SPAG16: variants seen among roughly 807,000 people sequenced by gnomAD.
The protein encoded by SPAG16 is sperm associated antigen 16.
A neutral mutation model predicts 80.4 loss-of-function variants in SPAG16; 86 were observed. The ratio of observed to expected loss-of-function variants is 1.07; its 90% confidence interval spans 0.90 to 1.28. The LOEUF (loss-of-function observed/expected upper bound fraction) is 1.28. Ranked by LOEUF, SPAG16 falls within the 50% of genes most tolerant of loss-of-function variation. The probability of loss-of-function intolerance (pLI) is 0.00; values close to 1 mark genes in which losing one functional copy is unlikely to be tolerated. For synonymous variants in SPAG16, 294 were observed against 265.9 expected, an observed-to-expected ratio of 1.11 and a Z score of -1.03; for missense variants, 870 against 765.3, an observed-to-expected ratio of 1.14 and a Z score of -1.61.
At chr2:213,937,555 T>C (rs2079039094) in intron 12 of SPAG16, among the ~76,000 whole-genome samples, 1 of 152,024 alleles carries the variant, frequency 6.6e-6, no homozygotes, top group African/African-American at 2.4e-5. Context: ...CCCCTTGACA[T>C]ATGGGCTTGA....
chr2:213,556,889 A>G (rs920611375), intron 10 of SPAG16, among the ~76,000 whole-genome samples: 2 of 152,160 alleles, frequency 1.3e-5, no homozygotes, highest in South Asian at 4.1e-4. Flanking sequence ...AAAATGATCA[A>G]GTATCTTTTT....
Position 213,375,075 on chromosome 2 carries a change from A to C in SPAG16, c.898A>C (p.Arg300=), listed in dbSNP as rs764468870. 4.3e-5 allele frequency: 70 copies of C among 1,610,280 alleles called. No homozygotes were observed. In the Middle Eastern group the frequency reaches 6.6e-4, roughly 15 times the overall value. Residue 300 remains arginine, a synonymous_variant, in exon 9 of 16, where the codon AGG becomes CGG. Coordinates refer to ENST00000331683, the MANE Select transcript of SPAG16 (RefSeq NM_024532.5). ...GPTQKGLREA[R]EQNKCKTKMK... is the part of the protein sequence containing the mutation. The stretch of plus-strand genomic sequence containing the variant: ...TACTCAGAAAGGTCTTCGTGAAGCC[A>C]GGGAACAAAACAAATGTAAAACAAA...
intron 10 of SPAG16, among the ~76,000 whole-genome samples, chr2:213,760,937 A>G (rs530970198): frequency 1.3e-5 from 2 of 152,306 alleles, no homozygotes; most frequent in South Asian, 4.1e-4. Flanking sequence ...TACTTCAATA[A>G]TGACAGTAGT....
chr2:213,972,238 G>A (rs1169488144), intron 12 of SPAG16, among the ~76,000 whole-genome samples: 1 of 150,514 alleles, frequency 6.6e-6, no homozygotes, highest in African/African-American at 2.4e-5. Flanking sequence ...ATTCATCAGA[G>A]AAAAAGAACC....
intron 15 of SPAG16, among the ~76,000 whole-genome samples, chr2:214,339,737 G>GTCT (rs911703026): frequency 5.9e-5 from 9 of 152,226 alleles, no homozygotes; most frequent in African/African-American, 2.2e-4. Flanking sequence ...ATACCACCTT[G>GTCT]TCTTTTTAAA....
At chr2:213,463,402 GAC>G (rs1337537678) in intron 9 of SPAG16, among the ~76,000 whole-genome samples, 1 of 152,250 alleles carries the variant, frequency 6.6e-6, no homozygotes, top group African/African-American at 2.4e-5. Context: ...GCATGTCAGA[GAC>G]AGTCTTGGCA....
intron 12 of SPAG16, among the ~76,000 whole-genome samples, chr2:214,008,598 A>G (rs1342096427): frequency 6.6e-6 from 1 of 152,166 alleles, no homozygotes; most frequent in Non-Finnish European, 1.5e-5. Flanking sequence ...TACAAAAATC[A>G]GCCTGGTGTG....
chr2:213,287,932 G>T (rs1187742128), intron 1 of SPAG16, among the ~76,000 whole-genome samples: 1 of 152,080 alleles, frequency 6.6e-6, no homozygotes, highest in Non-Finnish European at 1.5e-5. Context: ...TAGAGATGAG[G>T]TATTGCTCTG....
Position 213,761,826 on chromosome 2 carries a change from A to G in SPAG16, c.1071-100659A>G, listed in dbSNP as rs574584560. On this transcript the variant is annotated intron_variant, in intron 10 of 15. Transcript: ENST00000331683. ...GGTTGCAGTGAGCCGAGATCGTGCC[A>G]CTGCATTCCAGCCTGGGTGACAGAG... is the stretch of plus-strand genomic sequence containing the variant. Among the ~76,000 whole-genome samples, 4 of 152,272 alleles carry G rather than the reference A, an allele frequency of 2.6e-5. No homozygotes were observed. In the East Asian group the frequency reaches 7.7e-4, roughly 29 times the overall value.
intron 10 of SPAG16, among the ~76,000 whole-genome samples, chr2:213,731,655 C>G (rs56106328): frequency 0.92 from 140,719 of 152,164 alleles, 66,108 homozygotes; most frequent in East Asian, 1. Flanking sequence ...CCCTCCAACA[C>G]GTCCCAGTGT....
chr2:213,702,158 C>G (rs1005749759), intron 10 of SPAG16, among the ~76,000 whole-genome samples: 9 of 152,160 alleles, frequency 5.9e-5, no homozygotes, highest in African/African-American at 1.9e-4. Flanking sequence ...CCAATCAGCT[C>G]TCTGTAAAAC....
rs918135460 is a variant in SPAG16 at position 213,888,296 on chromosome 2, G to T, written c.1214+25668G>T. Among the ~76,000 whole-genome samples, 10 of 151,782 alleles carry T rather than the reference G, an allele frequency of 6.6e-5. No homozygotes were observed. The South Asian group carries it at 2.1e-3, about 31-fold the overall frequency. Reference sequence around the variant, plus strand: ...TTTATAAGTTATATTTTCTGACAAAGCTCCTGTTTATAAGTTAGAGCATTC... The same window carrying T: ...TTTATAAGTTATATTTTCTGACAAATCTCCTGTTTATAAGTTAGAGCATTC... On this transcript the variant is annotated intron_variant, in intron 11 of 15. Coordinates refer to ENST00000331683, the MANE Select transcript of SPAG16 (RefSeq NM_024532.5).
chr2:213,924,463 T>C (rs1408346165), intron 11 of SPAG16, among the ~76,000 whole-genome samples: 2 of 152,216 alleles, frequency 1.3e-5, no homozygotes, highest in Non-Finnish European at 2.9e-5. Context: ...GTTCTCCTGC[T>C]GCCTTCATGG....
chr2:214,180,623 C>T (rs1224234480), intron 15 of SPAG16, among the ~76,000 whole-genome samples: 1 of 151,452 alleles, frequency 6.6e-6, no homozygotes, highest in Non-Finnish European at 1.5e-5. Flanking sequence ...TTCAGGAAAG[C>T]AATATGCACT....
At chr2:214,266,825 C>T (rs1029322586) in intron 15 of SPAG16, among the ~76,000 whole-genome samples, 1 of 150,034 alleles carries the variant, frequency 6.7e-6, no homozygotes, top group Non-Finnish European at 1.5e-5. Flanking sequence ...ATTAAGAAAA[C>T]AGTCCCAATT....
chr2:213,658,673 C>T (rs2063309616), intron 10 of SPAG16, among the ~76,000 whole-genome samples: 1 of 152,304 alleles, frequency 6.6e-6, no homozygotes, highest in Middle Eastern at 3.4e-3. Flanking sequence ...AGTCTTTGCA[C>T]TTAACCATAA....
At chr2:213,978,492 A>G (rs917126727) in intron 12 of SPAG16, among the ~76,000 whole-genome samples, 8 of 151,984 alleles carry the variant, frequency 5.3e-5, no homozygotes, top group Non-Finnish European at 5.9e-5. Context: ...CCTACTTCCT[A>G]TTGCCTGGTT....
intron 10 of SPAG16, among the ~76,000 whole-genome samples, chr2:213,720,763 T>G (rs2066493742): frequency 1.6e-5 from 1 of 63,372 alleles, no homozygotes; most frequent in Admixed American, 1.6e-4. Context: ...TTTTTTTTTT[T>G]GAGATGGAGT....
intron 13 of SPAG16, among the ~76,000 whole-genome samples, chr2:214,056,280 T>TACACACACACACAC (rs60247479): frequency 4.2e-5 from 6 of 144,562 alleles, no homozygotes; most frequent in African/African-American, 1.5e-4. Flanking sequence ...GTAGTAGAAA[T>TACACACACACACAC]ACACACACAC....
Sources: gnomAD v4.1 joint callset for allele counts (sites outside exome capture counted in the v4.1 genomes callset) on GRCh38, gnomAD v4.1.1 for gene constraint, MANE v1.5 for transcripts, NCBI Gene and HGNC (gene_info 2026-07-23, HGNC 2026-07-21) for gene names.